Variants in GRIA4 observed in about 807,000 individuals in gnomAD.
GRIA4 encodes the protein glutamate receptor 4.
Under a neutral mutation model 104.0 loss-of-function variants are expected in GRIA4, and 34 were observed. That is an observed-to-expected ratio of 0.33 (90% CI 0.25 to 0.44). The LOEUF is 0.44. GRIA4 is among the 20% of genes least tolerant of loss of function. The pLI is 1.00. For missense variants in GRIA4, 750 were observed against 1,096.5 expected (o/e 0.68, Z 4.46); for synonymous variants, 386 against 381.9 (o/e 1.01, Z -0.13).
intron 3 of GRIA4, among the ~76,000 whole-genome samples, chr11:105,688,154 A>C (rs61900310): frequency 0.019 from 1,388 of 74,062 alleles, 21 homozygotes; most frequent in African/African-American, 0.057. Flanking sequence ...CTATATCTAT[A>C]TCTCTATCTA....
rs117000037 is a variant in GRIA4, at chr11:105,924,305, G to A, written c.1477-94G>A. 3,448 of 850,114 alleles carry A rather than the reference G, an allele frequency of 4.1e-3. 10 individuals are homozygous for A. Among genetic ancestry groups the A allele is most frequent in the Non-Finnish European group, 5.5e-3 (3,026 of 550,348 alleles). 52.7% of individuals were successfully genotyped at this position (850,114 alleles called of 1,614,324 possible). A position where few individuals can be genotyped will look rare whatever the true frequency, so the allele number is the denominator to read the frequency against. On this transcript the variant is annotated intron_variant, in intron 11 of 16. Transcript: ENST00000282499. Reference sequence around the variant, plus strand: ...CTCCAAAAATAAATGTAGAATAAACGCATGACTGGTTAGCTTTAAATGGAT... The same window carrying A: ...CTCCAAAAATAAATGTAGAATAAACACATGACTGGTTAGCTTTAAATGGAT...
At chr11:105,905,958 G>A (rs1390856390) in intron 9 of GRIA4, among the ~76,000 whole-genome samples, 3 of 152,120 alleles carry the variant, frequency 2.0e-5, no homozygotes, top group African/African-American at 7.2e-5. Flanking sequence ...CCCCACCACA[G>A]TAATTGGTTA....
intron 4 of GRIA4, among the ~76,000 whole-genome samples, chr11:105,852,831 A>C (rs181966672): frequency 8.0e-6 from 1 of 125,636 alleles, no homozygotes; most frequent in East Asian, 2.3e-4. Context: ...CAGAATCATC[A>C]CAAGAAAATT....
chr11:105,765,540 G>C (rs1940894588), intron 4 of GRIA4, among the ~76,000 whole-genome samples: 1 of 152,178 alleles, frequency 6.6e-6, no homozygotes, highest in Non-Finnish European at 1.5e-5. Flanking sequence ...ATAGTACCAA[G>C]TCTGAGGCTT....
chr11:105,933,810 T>A lies in GRIA4; in HGVS notation c.2135T>A (p.Val712Glu). The A allele has an allele frequency of 6.2e-7, 1 of 1,613,086 alleles. No individual in the cohort carries two copies. Among genetic ancestry groups the A allele is most frequent in the African/African-American group, 1.3e-5 (1 of 74,938 alleles). Residue 712 changes from valine (V) to glutamate (E), a missense_variant, in exon 14 of 17, where the codon GTA (valine) becomes GAA (glutamate). Coordinates refer to ENST00000282499, the MANE Select transcript of GRIA4 (RefSeq NM_000829.4). Reference sequence around the variant, plus strand: ...TTCACTAGGACTACAGCTGAGGGAGTAGCTCGTGTCCGCAAATCCAAGGGC... The same window carrying A: ...TTCACTAGGACTACAGCTGAGGGAGAAGCTCGTGTCCGCAAATCCAAGGGC... The part of the protein sequence containing the change: ...SVFTRTTAEG[V>E]ARVRKSKGKF...
chr11:105,757,509 A>G (rs1301449549), intron 4 of GRIA4, among the ~76,000 whole-genome samples: 1 of 152,176 alleles, frequency 6.6e-6, no homozygotes, highest in Admixed American at 6.6e-5. Context: ...TGACAGAATG[A>G]AGAAATCCTA....
At chr11:105,940,503 A>G (rs182743147) in intron 14 of GRIA4, among the ~76,000 whole-genome samples, 3 of 152,284 alleles carry the variant, frequency 2.0e-5, no homozygotes, top group African/African-American at 7.2e-5. Context: ...GGAGGGAGTT[A>G]TGGTAATCAG....
At chr11:105,947,317 C>T (rs555917255) in intron 14 of GRIA4, among the ~76,000 whole-genome samples, 1 of 152,170 alleles carries the variant, frequency 6.6e-6, no homozygotes, top group East Asian at 1.9e-4. Flanking sequence ...ATTTATTTAT[C>T]CTGAATTTTA....
At chr11:105,800,727 T>C (rs1942685375) in intron 4 of GRIA4, among the ~76,000 whole-genome samples, 1 of 152,056 alleles carries the variant, frequency 6.6e-6, no homozygotes, top group African/African-American at 2.4e-5. Context: ...CGTTTTAGTT[T>C]TGCAGCATGC....
chr11:105,679,058 A>G (rs1390275120), intron 3 of GRIA4, among the ~76,000 whole-genome samples: 3 of 151,976 alleles, frequency 2.0e-5, no homozygotes, highest in Admixed American at 6.6e-5. Context: ...GTATATATAG[A>G]AAAAAAATCT....
At chr11:105,829,424 G>A (rs906676625) in intron 4 of GRIA4, among the ~76,000 whole-genome samples, 82 of 152,066 alleles carry the variant, frequency 5.4e-4, no homozygotes, top group Middle Eastern at 6.8e-3. Context: ...AGACTTCAGC[G>A]GATGGCTGTG....
At chr11:105,886,908 GA>G (rs1371965622) in intron 5 of GRIA4, among the ~76,000 whole-genome samples, 244 of 134,888 alleles carry the variant, frequency 1.8e-3, no homozygotes, top group Middle Eastern at 7.4e-3. Flanking sequence ...AACATTCTCA[GA>G]AAAAAAAAAA....
chr11:105,652,638 T>C (rs1193621418), intron 3 of GRIA4, among the ~76,000 whole-genome samples: 2 of 152,108 alleles, frequency 1.3e-5, no homozygotes, highest in Non-Finnish European at 1.5e-5. Context: ...TCCAGGAAAT[T>C]GGGCTTCTTT....
Position 105,753,071 on chromosome 11 carries a change from T to C in GRIA4, c.338T>C (p.Leu113Ser). 3 of 1,613,852 alleles carry C rather than the reference T, an allele frequency of 1.9e-6. No individual in the cohort carries two copies. The South Asian group carries it at 3.3e-5, about 18-fold the overall frequency. ...ACCTTGACCTCATTCTGCAGCGCCT[T>C]ACATATCTCCCTCATCACACCAAGT... The part of the protein sequence containing the change: ...VHTLTSFCSA[L>S]HISLITPSFP... Residue 113 changes from leucine to serine, a missense_variant, in exon 4 of 17, where the codon TTA (leucine) becomes TCA (serine). Around this residue, in one of 3 missense-constraint regions of GRIA4, gnomAD observed 410 missense variants for 502.7 expected, o/e 0.82. Transcript: ENST00000282499.
intron 4 of GRIA4, among the ~76,000 whole-genome samples, chr11:105,851,023 GAACTT>G (rs1284196306): frequency 6.6e-6 from 1 of 152,170 alleles, no homozygotes; most frequent in African/African-American, 2.4e-5. Flanking sequence ...TCTTGGCCAA[GAACTT>G]AACTTCTGTA....
intron 3 of GRIA4, among the ~76,000 whole-genome samples, chr11:105,656,192 T>A (rs964139959): frequency 6.6e-6 from 1 of 152,110 alleles, no homozygotes; most frequent in Non-Finnish European, 1.5e-5. Flanking sequence ...TTTTCCCTTG[T>A]AAATTCGTTT....
chr11:105,716,890 G>A (rs1250458104), intron 3 of GRIA4, among the ~76,000 whole-genome samples: 1 of 152,010 alleles, frequency 6.6e-6, no homozygotes, highest in African/African-American at 2.4e-5. Context: ...CTTACTTTTA[G>A]AAGAGCAAAT....
At chr11:105,906,173 C>T (rs982781231) in intron 9 of GRIA4, among the ~76,000 whole-genome samples, 1 of 152,074 alleles carries the variant, frequency 6.6e-6, no homozygotes, top group Non-Finnish European at 1.5e-5. Context: ...AAGCACTGGA[C>T]TTGGTGCTTT....
chr11:105,804,205 T>C (rs1468716685), intron 4 of GRIA4, among the ~76,000 whole-genome samples: 1 of 151,898 alleles, frequency 6.6e-6, no homozygotes, highest in Non-Finnish European at 1.5e-5. Flanking sequence ...TTCATCATAG[T>C]TTTTCTTAGC....
Sources: gnomAD v4.1 joint callset for allele counts (sites outside exome capture counted in the v4.1 genomes callset) on GRCh38, gnomAD v4.1.1 for gene constraint, gnomAD v4.1.1 regional missense constraint, MANE v1.5 for transcripts, NCBI Gene and HGNC (gene_info 2026-07-23, HGNC 2026-07-21) for gene names.